The following SPPL2A variants were observed in gnomAD, a reference collection of about 807,000 sequenced individuals.
SPPL2A encodes the protein signal peptide peptidase like 2A.
SPPL2A carries 51 observed loss-of-function variants against 63.8 expected under a neutral mutation model. The ratio of observed to expected loss-of-function variants is 0.80; its 90% CI spans 0.64 to 1.01. SPPL2A has a LOEUF of 1.01. Among genes scored for constraint, SPPL2A ranks in the 50% least tolerant of loss-of-function variants. SPPL2A has a pLI of 0.00. For missense variants in SPPL2A, 553 were observed against 622.7 expected, an observed-to-expected ratio of 0.89 and a Z score of 1.19; for synonymous variants, 188 against 205.8, an observed-to-expected ratio of 0.91 and a Z score of 0.74.
intron 14 of SPPL2A, among the ~76,000 whole-genome samples, chr15:50,717,000 T>A (rs1326497775): frequency 2.6e-5 from 4 of 152,126 alleles, no homozygotes; most frequent in Non-Finnish European, 5.9e-5. Flanking sequence ...CTTTCCTTCA[T>A]CACCATCCCC....
At chr15:50,711,206 CTT>C (rs1302695528) in intron 14 of SPPL2A, among the ~76,000 whole-genome samples, 14 of 115,550 alleles carry the variant, frequency 1.2e-4, no homozygotes, top group Non-Finnish European at 1.3e-4. Context: ...AATTAGTATC[CTT>C]TTTTTTTTTT....
chr15:50,741,800 T>C (rs12902658), intron 5 of SPPL2A, among the ~76,000 whole-genome samples: 43,574 of 151,582 alleles, frequency 0.29, 6,882 homozygotes, highest in East Asian at 0.55. Flanking sequence ...AGTCCATCTC[T>C]ACTAAAAATA....
chr15:50,736,198 CAATCCT>C lies in SPPL2A; in HGVS notation c.831-2_834del, dbSNP rs2062770173. 1 of 1,597,258 alleles carries C rather than the reference CAATCCT, an allele frequency of 6.3e-7. No homozygotes were observed. Among genetic ancestry groups the C allele is most frequent in the Non-Finnish European group, 8.6e-7 (1 of 1,165,494 alleles). The stretch of plus-strand genomic sequence containing the variant: ...ACTTCCATGTTTTTGCCACGACATG[CAATCCT>C]AAAAAACAGATTAAAATAGTTAACA... On this transcript the variant is annotated splice_acceptor_variant and coding_sequence_variant, in exon 8 of 15. Coordinates refer to ENST00000261854, the MANE Select transcript of SPPL2A (RefSeq NM_032802.4). LOFTEE classifies it high-confidence loss of function.
intron 12 of SPPL2A, among the ~76,000 whole-genome samples, chr15:50,724,385 G>T (rs887862985): frequency 1.3e-4 from 20 of 152,070 alleles, no homozygotes; most frequent in African/African-American, 4.6e-4. Flanking sequence ...GACCATCCTG[G>T]CTAACACGGT....
intron 1 of SPPL2A, among the ~76,000 whole-genome samples, chr15:50,757,486 T>A (rs2062970130): frequency 6.6e-6 from 1 of 152,100 alleles, no homozygotes; most frequent in South Asian, 2.1e-4. Context: ...TCACCCCCAA[T>A]CTTCCTTTTA....
At chr15:50,733,166 AAC>A (rs1486677312) in intron 8 of SPPL2A, among the ~76,000 whole-genome samples, 1 of 152,240 alleles carries the variant, frequency 6.6e-6, no homozygotes, top group Non-Finnish European at 1.5e-5. Flanking sequence ...TACCAGTGTT[AAC>A]ACAGATCCAA....
chr15:50,722,601 C>T (rs956484508), intron 12 of SPPL2A, among the ~76,000 whole-genome samples: 15 of 151,998 alleles, frequency 9.9e-5, no homozygotes, highest in African/African-American at 3.4e-4. Flanking sequence ...GGACTACAGG[C>T]GCGTGCCACC....
intron 1 of SPPL2A, among the ~76,000 whole-genome samples, chr15:50,751,100 T>C (rs2062901924): frequency 6.6e-6 from 1 of 152,226 alleles, no homozygotes; most frequent in Admixed American, 6.5e-5. Flanking sequence ...GCACAGCTTA[T>C]GGATCTAAGC....
chr15:50,736,058 A>C (rs1207557697), intron 8 of SPPL2A, 43 bp downstream of exon 8: 3 of 1,272,946 alleles, frequency 2.4e-6, no homozygotes, highest in Non-Finnish European at 3.4e-6. Flanking sequence ...GATAGGAAAC[A>C]ATTCATCCTT....
chr15:50,718,988 T>TG (rs1468560873), intron 14 of SPPL2A, among the ~76,000 whole-genome samples: 1 of 152,080 alleles, frequency 6.6e-6, no homozygotes, highest in African/African-American at 2.4e-5. Context: ...GTCAGTGCCA[T>TG]GGCCCTGACC....
chr15:50,743,197 G>C (rs1450052716), intron 5 of SPPL2A: 1 of 152,280 alleles, frequency 6.6e-6, no homozygotes, highest in Admixed American at 6.6e-5. Context: ...CTTGAACCTG[G>C]GAGGCAGAGG....
At chr15:50,738,538 G>C (rs1369680645) in intron 6 of SPPL2A, among the ~76,000 whole-genome samples, 1 of 148,744 alleles carries the variant, frequency 6.7e-6, no homozygotes, top group African/African-American at 2.5e-5. Context: ...GACAGAGCAA[G>C]ACTCTGTTTC....
chr15:50,749,441 C>T (rs1388793769), intron 2 of SPPL2A, among the ~76,000 whole-genome samples, 195 bp downstream of exon 2: 8 of 152,152 alleles, frequency 5.3e-5, no homozygotes, highest in Non-Finnish European at 1.0e-4. Flanking sequence ...GCGCCTGCCA[C>T]CACACCCAGC....
intron 5 of SPPL2A, among the ~76,000 whole-genome samples, chr15:50,745,454 C>T (rs951090742): frequency 5.3e-5 from 8 of 151,702 alleles, no homozygotes; most frequent in South Asian, 2.1e-4. Context: ...CCGGCTGAGA[C>T]GGGGTTTCAC....
At chr15:50,729,016 G>C (rs1297179628) in intron 10 of SPPL2A, among the ~76,000 whole-genome samples, 1 of 152,000 alleles carries the variant, frequency 6.6e-6, no homozygotes, top group African/African-American at 2.4e-5. Flanking sequence ...GTTTCACTAT[G>C]TTGGCCAGGC....
At chr15:50,736,764 T>G in intron 6 of SPPL2A, 24 bp from the exon 7 acceptor site, 1 of 1,171,138 alleles carries the variant, frequency 8.5e-7, no homozygotes, top group Non-Finnish European at 1.3e-6. Context: ...AACACTAAAT[T>G]ACATGAGAAC....
intron 5 of SPPL2A, among the ~76,000 whole-genome samples, chr15:50,745,543 C>T (rs2062851037): frequency 1.7e-5 from 2 of 118,522 alleles, no homozygotes; most frequent in African/African-American, 3.3e-5. Flanking sequence ...GTCACTGCAG[C>T]TGGCCTTTTT....
chr15:50,720,021 T>TG lies in SPPL2A; in HGVS notation c.1406_1407insC (p.Pro470ThrfsTer15). On this transcript the variant is annotated frameshift_variant, in exon 14 of 15. Transcript: ENST00000261854. LOFTEE classifies it high-confidence loss of function. ...CTGAGGCAGTAATAAGTGTGCAAGG[T>TG]ACTAAATAGAGGAGAGCAGGTTGCC... 1 of 1,613,720 alleles carries TG rather than the reference T, an allele frequency of 6.2e-7. No individual in the cohort carries two copies. Among genetic ancestry groups the TG allele is most frequent in the East Asian group, 2.2e-5 (1 of 44,862 alleles).
At chr15:50,717,046 A>G (rs1193525575) in intron 14 of SPPL2A, among the ~76,000 whole-genome samples, 1 of 152,008 alleles carries the variant, frequency 6.6e-6, no homozygotes, top group Admixed American at 6.6e-5. Context: ...CCTGAACTCT[A>G]CTTCTTTTCC....
Sources: gnomAD v4.1 joint callset for allele counts (sites outside exome capture counted in the v4.1 genomes callset) on GRCh38, gnomAD v4.1.1 for gene constraint, MANE v1.5 for transcripts, NCBI Gene and HGNC (gene_info 2026-07-23, HGNC 2026-07-21) for gene names.